TOMT: variants seen among roughly 807,000 people sequenced by gnomAD.
TOMT encodes transmembrane O-methyltransferase.
Under a neutral mutation model 21.7 loss-of-function variants are expected in TOMT, and 23 were observed. That is an observed-to-expected ratio of 1.06 (90% CI 0.76 to 1.50). TOMT has a LOEUF of 1.50. Among genes scored for constraint, TOMT ranks in the 40% most tolerant of loss-of-function variants. TOMT has a pLI of 0.00. For missense variants in TOMT, 331 were observed against 348.7 expected (o/e 0.95, Z 0.41); for synonymous variants, 132 against 150.8 (o/e 0.88, Z 0.91).
chr11:72,109,394 T>C (rs927914671), downstream of TOMT: 1 of 459,674 alleles, frequency 2.2e-6, no homozygotes, highest in Non-Finnish European at 4.4e-6. Flanking sequence ...CAGGAATAGC[T>C]GGATGCAAGC....
At chr11:72,108,161 G>C (rs566064204) in intron 2 of TOMT, 42 bp downstream of exon 2, 9 of 1,449,226 alleles carry the variant, frequency 6.2e-6, no homozygotes, top group Non-Finnish European at 7.3e-6. Context: ...TGTCACCCCA[G>C]GCCTTGCCCC....
In TOMT at chr11:72,106,245, C is replaced by G. The variant is rs12576752; in HGVS notation, c.259+35C>G. On this transcript the variant is annotated intron_variant, in intron 1 of 2. Transcript: ENST00000541899. ...CCCTAGCCTTCTGCTCCAAGAAGTA[C>G]CCCCAAGACAGTGAAGGAATATTTG... The G allele has an allele frequency of 3.7e-3, 5,276 of 1,420,170 alleles. 17 individuals are homozygous for G. Among genetic ancestry groups the G allele is most frequent in the Admixed American group, 9.5e-3 (357 of 37,418 alleles). The allele number at this position is 1,420,170 out of a possible 1,614,324, so 88.0% of individuals were successfully genotyped here.
exon 3 of TOMT, chr11:72,108,787 C>A (rs375590805): frequency 6.4e-7 from 1 of 1,550,434 alleles, no homozygotes. Context: ...ACCATGTGCT[C>A]TTCCCTGGTG....
chr11:72,108,505 T>A lies in TOMT; in HGVS notation c.457-100T>A, dbSNP rs1185931313. ...AAATGTGAGAACACTCATGGGAAGCTAAGCCAGGACCTGGCATGAAGTAAG... is the reference window on the plus strand; with the variant it reads ...AAATGTGAGAACACTCATGGGAAGCAAAGCCAGGACCTGGCATGAAGTAAG... On this transcript the variant is annotated intron_variant, in intron 2 of 2. Transcript: ENST00000541899. 7.4e-6 allele frequency: 8 copies of A among 1,079,766 alleles called. No homozygotes were observed. In the Admixed American group the frequency reaches 2.4e-4, roughly 33 times the overall value. 66.9% of individuals were successfully genotyped at this position (1,079,766 alleles called of 1,614,324 possible).
At chr11:72,108,274 A>G (rs1219382538) in intron 2 of TOMT, among the ~76,000 whole-genome samples, 155 bp downstream of exon 2, 1 of 152,172 alleles carries the variant, frequency 6.6e-6, no homozygotes, top group Non-Finnish European at 1.5e-5. Flanking sequence ...TCCTGTCCCA[A>G]GTCATCTGCA....
At chr11:72,107,804 C>A in intron 1 of TOMT, 119 bp from the exon 2 acceptor site, 1 of 1,101,730 alleles carries the variant, frequency 9.1e-7, no homozygotes, top group Non-Finnish European at 1.3e-6. Context: ...GTACAAGAGA[C>A]AGATGAGACC....
At chr11:72,106,942 A>G (rs1276353848) in intron 1 of TOMT, 1 of 102,388 alleles carries the variant, frequency 9.8e-6, no homozygotes, top group Non-Finnish European at 1.7e-5. Flanking sequence ...ACCTGTCTCA[A>G]AAAAAAAAAA....
exon 2 of TOMT, chr11:72,108,052 A>G (rs1292805274): frequency 1.3e-6 from 2 of 1,550,314 alleles, no homozygotes; most frequent in African/African-American, 1.4e-5. Context: ...CTTACTGTGG[A>G]GCGGGACCCA....
At chr11:72,107,621 A>G (rs1210222214) in intron 1 of TOMT, 1 of 668,012 alleles carries the variant, frequency 1.5e-6, no homozygotes, top group East Asian at 2.7e-5. Flanking sequence ...AAGGTAGGAT[A>G]GGATCAGGTC....
rs1945989858 is a variant in TOMT, at chr11:72,108,679, C to A, written c.531C>A (p.Asp177Glu). 3 of 1,540,720 alleles carry A rather than the reference C, an allele frequency of 1.9e-6. No individual in the cohort carries two copies. The highest frequency in any genetic ancestry group is 1.2e-5 in the South Asian group (1 of 82,478). Residue 177 changes from aspartate (D) to glutamate (E), a missense_variant, in exon 3 of 3, where the codon GAC (aspartate) becomes GAA (glutamate). Physicochemically the swap from Asp to Glu is conservative, Grantham distance 45. Transcript: ENST00000541899. ...CCCAGTATCAGCTGAGTCGGGCAGA[C>A]CTGGTGCTCCTGGCACACCGGCCAC...
intron 2 of TOMT, 53 bp downstream of exon 2, chr11:72,108,172 C>G: frequency 7.0e-7 from 1 of 1,424,920 alleles, no homozygotes; most frequent in East Asian, 2.5e-5. Flanking sequence ...GCCTTGCCCC[C>G]AGACATCCCT....
At chr11:72,106,992 A>C (rs57025151) in intron 1 of TOMT, 17,800 of 160,542 alleles carry the variant, frequency 0.11, 1,292 homozygotes, top group East Asian at 0.23. Flanking sequence ...CTGGCTGGGC[A>C]TGGTGGCTCA....
chr11:72,108,613 C>A, exon 3 of TOMT: 2 of 1,468,340 alleles, frequency 1.4e-6, no homozygotes, highest in South Asian at 2.8e-5. Context: ...AGGTGGAGCT[C>A]ATCGTGGGCA....
In TOMT at chr11:72,107,909, A is replaced by G. The variant is rs1945854120; in HGVS notation, c.260-14A>G. ...ATCTCCCATGTCTTCTGCAACAGCC[A>G]TCTCCCCTCATAGGTCAGATCCTGA... On this transcript the variant is annotated splice_polypyrimidine_tract_variant and intron_variant, in intron 1 of 2. Transcript: ENST00000541899. The G allele has an allele frequency of 2.6e-6, 4 of 1,551,486 alleles. No individual in the cohort carries two copies. In the African/African-American group the frequency reaches 5.5e-5, roughly 21 times the overall value.
At chr11:72,106,021 T>C in exon 1 of TOMT, 1 of 1,551,234 alleles carries the variant, frequency 6.4e-7, no homozygotes, top group Non-Finnish European at 8.7e-7. Context: ...CCGGCACTAC[T>C]TCCGATTGCT....
rs137853188 is a variant in TOMT, at chr11:72,106,185, C to G, written c.234C>G (p.Tyr78Ter). The stretch of plus-strand genomic sequence containing the variant: ...ACCACTGGAGCAGCCGCTGCGAGTA[C>G]TTGAGCCACATGGGGCCTGTCAAAG... Residue 78 changes from tyrosine (Y) to a stop codon, truncating the protein, a stop_gained, in exon 1 of 3, where the codon TAC becomes TAG. Coordinates refer to ENST00000541899, the Ensembl canonical transcript of TOMT. LOFTEE classifies it high-confidence loss of function. 6.6e-7 allele frequency: 1 copy of G among 1,511,116 alleles called. No individual in the cohort carries two copies. The allele number at this position is 1,511,116 out of a possible 1,614,324, so 93.6% of individuals were successfully genotyped here.
At chr11:72,106,000 C>T in exon 1 of TOMT, 1 of 1,550,920 alleles carries the variant, frequency 6.4e-7, no homozygotes, top group Non-Finnish European at 8.7e-7. Flanking sequence ...GGTAACATTG[C>T]TGGTGCGGTA....
At chr11:72,106,001 T>C (rs1465647117) in exon 1 of TOMT, 1 of 1,550,966 alleles carries the variant, frequency 6.4e-7, no homozygotes, top group Non-Finnish European at 8.7e-7. Context: ...GTAACATTGC[T>C]GGTGCGGTAC....
At chr11:72,108,932 G>A (rs1279592770) in exon 3 of TOMT, 24 of 1,513,370 alleles carry the variant, frequency 1.6e-5, no homozygotes, top group Non-Finnish European at 2.1e-5. Flanking sequence ...CTGAGGTCCA[G>A]GCCCAGGGGT....
Sources: gnomAD v4.1 joint callset for allele counts (sites outside exome capture counted in the v4.1 genomes callset) on GRCh38, gnomAD v4.1.1 for gene constraint, MANE v1.5 for transcripts, NCBI Gene and HGNC (gene_info 2026-07-23, HGNC 2026-07-21) for gene names.